Variants in ELF4 observed in about 807,000 individuals in gnomAD.
The protein encoded by ELF4 is E74 like ETS transcription factor 4.
ELF4 carries 10 observed loss-of-function variants against 31.7 expected under a neutral mutation model. The observed-to-expected ratio is 0.32, with a 90% confidence interval of 0.19 to 0.54. The LOEUF (loss-of-function observed/expected upper bound fraction) is 0.54, where lower values mean the gene tolerates loss of function less well. ELF4 is among the 20% of genes least tolerant of loss of function. ELF4 has a pLI of 0.95. For missense variants in ELF4, 418 were observed against 522.0 expected (o/e 0.80, Z 1.94); for synonymous variants, 208 against 226.7 (o/e 0.92, Z 0.74).
At chrX:130,080,058 T>A (rs1177012303) in intron 2 of ELF4, among the ~76,000 whole-genome samples, 1 of 111,901 alleles carries the variant, frequency 8.9e-6, no homozygotes, top group Non-Finnish European at 1.9e-5. Context: ...GCATCTGAGT[T>A]AGACTGGAAT....
intron 1 of ELF4, among the ~76,000 whole-genome samples, chrX:130,101,812 A>AAAACAAACC (rs1326504681): frequency 3.7e-5 from 4 of 106,699 alleles, no homozygotes; most frequent in African/African-American, 1.4e-4. Flanking sequence ...AAAACAAAAC[A>AAAACAAACC]AAACAAAACA....
intron 6 of ELF4, 35 bp downstream of exon 6, chrX:130,071,301 C>T: frequency 8.3e-7 from 1 of 1,210,486 alleles, no homozygotes; most frequent in South Asian, 1.8e-5. Flanking sequence ...GAAGGGGCTC[C>T]CTCCCCACCT....
At chrX:130,098,147 CTGCCTGGCACAGGCCCGCAG>C (rs1933184506) in intron 1 of ELF4, among the ~76,000 whole-genome samples, 1 of 112,331 alleles carries the variant, frequency 8.9e-6, no homozygotes, top group African/African-American at 3.2e-5. Context: ...CGAAGGATTG[CTGCCTGGCACAGGCCCGCAG>C]TGCCTGGGGC....
chrX:130,081,753 C>T, intron 1 of ELF4, among the ~76,000 whole-genome samples: 1 of 112,230 alleles, frequency 8.9e-6, no homozygotes, highest in South Asian at 3.7e-4. Context: ...TGAATGGCCT[C>T]CAGTGGGAAG....
At chrX:130,101,801 AAAAACAAAACAAAAC>A (rs3080372) in intron 1 of ELF4, among the ~76,000 whole-genome samples, 11 of 97,368 alleles carry the variant, frequency 1.1e-4, no homozygotes, top group South Asian at 5.0e-4. Flanking sequence ...CTCCGTCTCA[AAAAACAAAACAAAAC>A]AAAACAAAAC....
In ELF4 at chrX:130,071,370, G is replaced by A. The variant is rs1275575581; in HGVS notation, c.582C>T (p.Ser194=). The change falls in exon 6 of 9, where the codon AGC becomes AGT. Residue 194 remains serine, a synonymous_variant. Transcript: ENST00000308167. ...CCTTTGATTTCTTCCTAATGGGGATGCTGGGGTCAGTGACAGGTGAGGTAC... is the reference window on the plus strand; with the variant it reads ...CCTTTGATTTCTTCCTAATGGGGATACTGGGGTCAGTGACAGGTGAGGTAC... ...NRSTSPVTDP[S]IPIRKKSKDG... is the part of the protein sequence containing the mutation. 8.3e-7 allele frequency: 1 copy of A among 1,210,366 alleles called. No homozygotes were observed. The highest frequency in any genetic ancestry group is 1.7e-5 in the African/African-American group (1 of 57,241).
chrX:130,081,108 C>A, intron 2 of ELF4, 148 bp downstream of exon 2: 1 of 719,609 alleles, frequency 1.4e-6, no homozygotes, highest in Non-Finnish European at 2.2e-6. Context: ...GCAAGCAGGG[C>A]CAGTGCCCTG....
intron 2 of ELF4, among the ~76,000 whole-genome samples, chrX:130,074,997 C>G (rs1932820545): frequency 1.8e-5 from 2 of 109,624 alleles, no homozygotes; most frequent in South Asian, 4.0e-4. Context: ...GAGATAGAGC[C>G]TCGCTCTGTC....
chrX:130,103,881 G>GTTAC (rs1407405568), intron 1 of ELF4, among the ~76,000 whole-genome samples: 1 of 111,858 alleles, frequency 8.9e-6, no homozygotes, highest in East Asian at 2.8e-4. Flanking sequence ...GAACCTCCAA[G>GTTAC]TTACTCTCTG....
At chrX:130,100,674 C>G (rs996046733) in intron 1 of ELF4, among the ~76,000 whole-genome samples, 1 of 111,792 alleles carries the variant, frequency 8.9e-6, no homozygotes, top group Admixed American at 9.6e-5. Context: ...CTTCTCTAAG[C>G]CCCCATGACC....
At chrX:130,097,804 C>T (rs1323628982) in intron 1 of ELF4, among the ~76,000 whole-genome samples, 1 of 113,033 alleles carries the variant, frequency 8.8e-6, no homozygotes, top group South Asian at 3.6e-4. Context: ...TTGCACTGAG[C>T]TTGCCTTCAT....
intron 1 of ELF4, among the ~76,000 whole-genome samples, chrX:130,094,565 CAA>C (rs1237045326): frequency 4.2e-5 from 4 of 94,852 alleles, no homozygotes; most frequent in Non-Finnish European, 4.3e-5. Flanking sequence ...GACTCCATCT[CAA>C]AAAAAAAAAA....
At chrX:130,082,626 C>T (rs1278145222) in intron 1 of ELF4, among the ~76,000 whole-genome samples, 1 of 110,017 alleles carries the variant, frequency 9.1e-6, no homozygotes. Context: ...TTTGTTCCCC[C>T]TGTCGCCACT....
At chrX:130,102,551 C>T (rs932405443) in intron 1 of ELF4, among the ~76,000 whole-genome samples, 6 of 110,582 alleles carry the variant, frequency 5.4e-5, no homozygotes, top group African/African-American at 9.9e-5. Context: ...CAGTGGCTCA[C>T]GCCTGTAATC....
At position 130,066,448 on chromosome X, in the gene ELF4, C is replaced by T. The variant is rs1399888311; in HGVS notation, c.*273G>A. ...ACAAACCCTGGCCACAAACTTCTGCCTGGCTCAAGGCTTTTTCCCTCCATC... is the reference window on the plus strand; with the variant it reads ...ACAAACCCTGGCCACAAACTTCTGCTTGGCTCAAGGCTTTTTCCCTCCATC... On this transcript the variant is annotated 3_prime_UTR_variant, in exon 9 of 9. Coordinates refer to ENST00000308167, the MANE Select transcript of ELF4 (RefSeq NM_001421.4). The T allele has an allele frequency of 1.3e-5, 5 of 376,603 alleles. No homozygotes were observed. The highest frequency in any genetic ancestry group is 1.8e-5 in the Non-Finnish European group (4 of 217,228). 31.0% of individuals were successfully genotyped at this position (376,603 alleles called of 1,213,427 possible). A position where few individuals can be genotyped will look rare whatever the true frequency, so the allele number is the denominator to read the frequency against.
In ELF4 at chrX:130,069,467, G is replaced by T. The variant is rs1250691622; in HGVS notation, c.1020C>A (p.Pro340=). 15 of 1,212,443 alleles carry T rather than the reference G, an allele frequency of 1.2e-5. No homozygotes were observed. The highest frequency in any genetic ancestry group is 1.7e-5 in the Non-Finnish European group (15 of 895,660). The change falls in exon 8 of 9, where the codon CCC becomes CCA. Residue 340 remains proline (P), a synonymous_variant. Transcript: ENST00000308167. ...CCCAAGAAGAGCTGCCCTTGCCCTG[G>T]GGGGCAGATCTGGATGAGACCCTGG... ...TSSRVSSRSA[P]QGKGSSSWEK...
At chrX:130,070,491 C>T (rs1202431727) in intron 7 of ELF4, among the ~76,000 whole-genome samples, 1 of 109,948 alleles carries the variant, frequency 9.1e-6, no homozygotes, top group Admixed American at 9.8e-5. Context: ...AGGAGAATGG[C>T]GTGAACCCGG....
chrX:130,104,117 TACA>T (rs1456184142), intron 1 of ELF4, among the ~76,000 whole-genome samples: 1 of 71,784 alleles, frequency 1.4e-5, no homozygotes, highest in East Asian at 3.6e-4. Context: ...TTCCCAGGAG[TACA>T]ACGTTAGGCC....
At chrX:130,070,363 C>G (rs1330199717) in intron 7 of ELF4, among the ~76,000 whole-genome samples, 8 of 110,777 alleles carry the variant, frequency 7.2e-5, no homozygotes, top group Non-Finnish European at 1.3e-4. Flanking sequence ...ACGAGGTCAG[C>G]AGATTGAAAC....
Sources: gnomAD v4.1 joint callset for allele counts (sites outside exome capture counted in the v4.1 genomes callset) on GRCh38, gnomAD v4.1.1 for gene constraint, MANE v1.5 for transcripts, NCBI Gene and HGNC (gene_info 2026-07-23, HGNC 2026-07-21) for gene names.